Variants in STIM2 observed in about 807,000 individuals in gnomAD.
The protein encoded by STIM2 is stromal interaction molecule 2.
In STIM2, 31 loss-of-function variants were observed where a neutral mutation model predicts 85.8. That is an observed-to-expected ratio of 0.36 (90% CI 0.27 to 0.49). The LOEUF is 0.49. Ranked by LOEUF, STIM2 falls within the 20% of genes least tolerant of loss-of-function variation. The pLI is 0.98. For missense variants in STIM2, 841 were observed against 927.6 expected (o/e 0.91, Z 1.21); for synonymous variants, 356 against 331.1 (o/e 1.08, Z -0.82).
At chr4:26,910,650 G>T (rs1482737181) in intron 1 of STIM2, among the ~76,000 whole-genome samples, 1 of 152,202 alleles carries the variant, frequency 6.6e-6, no homozygotes, top group Non-Finnish European at 1.5e-5. Context: ...ATACACTGAA[G>T]GAGCATATTG....
Position 26,870,004 on chromosome 4 carries a change from C to A in STIM2, c.151+8635C>A, listed in dbSNP as rs981106785. On this transcript the variant is annotated intron_variant, in intron 1 of 11. Coordinates refer to ENST00000467087, the MANE Select transcript of STIM2 (RefSeq NM_020860.4). The stretch of plus-strand genomic sequence containing the variant: ...AAAAAGAAGAAAATCCTGCCATTTG[C>A]GGCAACATGGATGAACGTGGAGGAC... Among the ~76,000 whole-genome samples the A allele has an allele frequency of 2.0e-5, 3 of 151,728 alleles. No individual in the cohort carries two copies. In the South Asian group the frequency reaches 6.3e-4, roughly 32 times the overall value.
In STIM2 at chr4:26,957,719, A is replaced by G. The variant is rs2109093562; in HGVS notation, c.390A>G (p.Thr130=). 1.3e-6 allele frequency: 2 copies of G among 1,595,668 alleles called. No homozygotes were observed. The highest frequency in any genetic ancestry group is 8.5e-7 in the Non-Finnish European group (1 of 1,171,082). The change falls in exon 3 of 12, where the codon ACA becomes ACG. Residue 130 remains threonine (T), a synonymous_variant. Coordinates refer to ENST00000467087, the MANE Select transcript of STIM2 (RefSeq NM_020860.4). ...AGGATTTATGGAAACGATGGAAAAC[A>G]TCAGAAGGTAAGACTGCCTTTGTGA... is the stretch of plus-strand genomic sequence containing the variant.
chr4:26,972,749 C>G (rs1727011114), intron 3 of STIM2, among the ~76,000 whole-genome samples: 1 of 152,152 alleles, frequency 6.6e-6, no homozygotes, highest in Admixed American at 6.5e-5. Context: ...TTGATGCTGG[C>G]CTCATAAAAT....
chr4:26,957,517 T>C, intron 2 of STIM2, 95 bp from the exon 3 acceptor site: 1 of 671,300 alleles, frequency 1.5e-6, no homozygotes, highest in South Asian at 2.8e-5. Flanking sequence ...TGTTTGAAAA[T>C]AGTCACCCAC....
chr4:26,993,998 A>G (rs948937861), intron 3 of STIM2, among the ~76,000 whole-genome samples: 8 of 152,116 alleles, frequency 5.3e-5, no homozygotes, highest in African/African-American at 1.7e-4. Context: ...TTTAAAATAA[A>G]TATCCAGGAG....
At chr4:26,938,135 A>G (rs1725463147) in intron 2 of STIM2, among the ~76,000 whole-genome samples, 1 of 151,738 alleles carries the variant, frequency 6.6e-6, no homozygotes, top group Non-Finnish European at 1.5e-5. Context: ...ATTGACTTTT[A>G]GAATTTTTTT....
rs531767290 is a variant in STIM2 at position 26,903,141 on chromosome 4, C to T, written c.152-16363C>T. 5.3e-5 allele frequency among the ~76,000 whole-genome samples: 8 copies of T among 152,052 alleles called. No individual in the cohort carries two copies. The South Asian group carries it at 1.0e-3, about 20-fold the overall frequency. On this transcript the variant is annotated intron_variant, in intron 1 of 11. Transcript: ENST00000467087. ...TCCTTGTAAAAAAGTTTTTTTTGGC[C>T]TTACCTCATTAACACAGCCTTAGTT...
intron 3 of STIM2, among the ~76,000 whole-genome samples, chr4:26,979,430 A>C (rs187850826): frequency 2.8e-4 from 43 of 152,302 alleles, no homozygotes; most frequent in Non-Finnish European, 1.2e-4. Context: ...CACTTCAGTA[A>C]TATCTAAGAA....
intron 1 of STIM2, among the ~76,000 whole-genome samples, chr4:26,886,563 A>G (rs1723258862): frequency 6.6e-6 from 1 of 152,168 alleles, no homozygotes; most frequent in Admixed American, 6.5e-5. Flanking sequence ...TCAGGTGGAG[A>G]GAATGGCATG....
chr4:26,986,346 A>G (rs1187789197), intron 3 of STIM2, among the ~76,000 whole-genome samples: 1 of 152,200 alleles, frequency 6.6e-6, no homozygotes, highest in Non-Finnish European at 1.5e-5. Flanking sequence ...CACAGTATTT[A>G]GGTGATTTCA....
At chr4:27,021,725 C>T (rs6853163) in intron 11 of STIM2, 22,653 of 429,612 alleles carry the variant, frequency 0.053, 760 homozygotes, top group African/African-American at 0.072. Context: ...ATTAGGAAGC[C>T]GTTGCAATCA....
At chr4:26,942,922 A>T (rs1725669463) in intron 2 of STIM2, among the ~76,000 whole-genome samples, 1 of 152,040 alleles carries the variant, frequency 6.6e-6, no homozygotes, top group Non-Finnish European at 1.5e-5. Flanking sequence ...CAACATCTCT[A>T]CTTAGATATC....
intron 7 of STIM2, among the ~76,000 whole-genome samples, chr4:27,004,956 G>A (rs1728281263): frequency 6.6e-6 from 1 of 152,184 alleles, no homozygotes. Flanking sequence ...CAAATGAGCT[G>A]TGTAGAGAGG....
At chr4:26,886,488 G>T (rs1227399768) in intron 1 of STIM2, among the ~76,000 whole-genome samples, 1 of 152,150 alleles carries the variant, frequency 6.6e-6, no homozygotes, top group African/African-American at 2.4e-5. Flanking sequence ...ATTTAAGGTG[G>T]TCAGGGAAAT....
chr4:26,886,520 A>G (rs1243849457), intron 1 of STIM2, among the ~76,000 whole-genome samples: 2 of 152,184 alleles, frequency 1.3e-5, no homozygotes, highest in African/African-American at 4.8e-5. Context: ...ACATTTGACA[A>G]GAGAGAAGGG....
intron 2 of STIM2, among the ~76,000 whole-genome samples, chr4:26,940,134 G>A (rs1387399000): frequency 6.6e-6 from 1 of 152,180 alleles, no homozygotes; most frequent in Non-Finnish European, 1.5e-5. Context: ...AGCCCCTTGA[G>A]TGCTGGTTTA....
intron 1 of STIM2, among the ~76,000 whole-genome samples, chr4:26,899,017 T>G (rs1394541439): frequency 1.3e-5 from 2 of 152,012 alleles, no homozygotes; most frequent in Non-Finnish European, 2.9e-5. Flanking sequence ...AGAACCTTAG[T>G]AAATGTTTGA....
chr4:26,919,819 C>G (rs1371994486), intron 2 of STIM2, among the ~76,000 whole-genome samples, 185 bp downstream of exon 2: 8 of 152,108 alleles, frequency 5.3e-5, no homozygotes, highest in Non-Finnish European at 1.0e-4. Flanking sequence ...GTTTTTCCCC[C>G]CATTTGGATA....
intron 1 of STIM2, among the ~76,000 whole-genome samples, chr4:26,900,855 A>T (rs749547988): frequency 8.5e-5 from 13 of 152,204 alleles, no homozygotes; most frequent in Non-Finnish European, 1.5e-4. Flanking sequence ...AGGGGACTTC[A>T]TTCCTCTCTG....
Sources: gnomAD v4.1 joint callset for allele counts (sites outside exome capture counted in the v4.1 genomes callset) on GRCh38, gnomAD v4.1.1 for gene constraint, MANE v1.5 for transcripts, NCBI Gene and HGNC (gene_info 2026-07-23, HGNC 2026-07-21) for gene names.